Variants in SYN3 observed in about 807,000 individuals in gnomAD.
The protein encoded by SYN3 is synapsin-3.
Under a neutral mutation model 65.8 loss-of-function variants are expected in SYN3, and 35 were observed. That is an observed-to-expected ratio of 0.53 (90% CI 0.41 to 0.70). The LOEUF (loss-of-function observed/expected upper bound fraction) is 0.70, where lower values mean the gene tolerates loss of function less well. Among genes scored for constraint, SYN3 ranks in the 30% least tolerant of loss-of-function variants. SYN3 has a pLI of 0.00. For missense variants in SYN3, 680 were observed against 749.0 expected (o/e 0.91, Z 1.08); for synonymous variants, 270 against 292.9 (o/e 0.92, Z 0.80).
intron 7 of SYN3, among the ~76,000 whole-genome samples, chr22:32,568,221 T>C (rs1484809663): frequency 6.6e-6 from 1 of 152,172 alleles, no homozygotes; most frequent in Non-Finnish European, 1.5e-5. Flanking sequence ...AATGCTCTCC[T>C]TGCTCCTCTA....
chr22:32,541,059 A>C (rs1207877172), intron 8 of SYN3, among the ~76,000 whole-genome samples: 1 of 152,094 alleles, frequency 6.6e-6, no homozygotes, highest in Non-Finnish European at 1.5e-5. Flanking sequence ...CCCTTTAAAA[A>C]CCCATTAAGT....
chr22:32,764,642 T>C (rs1276305193), intron 6 of SYN3, among the ~76,000 whole-genome samples: 1 of 152,200 alleles, frequency 6.6e-6, no homozygotes, highest in Admixed American at 6.5e-5. Flanking sequence ...CTCCCGCTAA[T>C]ATCCCAAACT....
At chr22:32,870,690 ATATT>A (rs1284398548) in intron 4 of SYN3, among the ~76,000 whole-genome samples, 1 of 152,196 alleles carries the variant, frequency 6.6e-6, no homozygotes, top group Non-Finnish European at 1.5e-5. Context: ...TTTTTGAAAA[ATATT>A]TTTTTCAATT....
intron 1 of SYN3, among the ~76,000 whole-genome samples, chr22:33,022,168 AT>A (rs931879989): frequency 2.6e-5 from 4 of 152,114 alleles, no homozygotes; most frequent in African/African-American, 7.2e-5. Flanking sequence ...GGCTAAAACA[AT>A]TTTTTTCCTT....
intron 6 of SYN3, among the ~76,000 whole-genome samples, chr22:32,597,376 T>C (rs921031204): frequency 1.3e-5 from 2 of 151,908 alleles, no homozygotes; most frequent in Non-Finnish European, 2.9e-5. Context: ...CCACCATGCC[T>C]GGCTAATTTT....
chr22:32,776,309 G>A (rs2045906882), intron 6 of SYN3, among the ~76,000 whole-genome samples: 1 of 152,086 alleles, frequency 6.6e-6, no homozygotes, highest in Admixed American at 6.5e-5. Flanking sequence ...TAAGTCACTT[G>A]GTGAATGGTA....
intron 7 of SYN3, among the ~76,000 whole-genome samples, chr22:32,569,526 A>C (rs2058724090): frequency 7.3e-6 from 1 of 136,244 alleles, no homozygotes. Flanking sequence ...ATATCTATCT[A>C]AAATCAATCA....
chr22:32,953,849 A>G (rs970173057), intron 3 of SYN3, among the ~76,000 whole-genome samples: 1 of 152,178 alleles, frequency 6.6e-6, no homozygotes, highest in East Asian at 1.9e-4. Context: ...TTCTTCATCA[A>G]CATCATCACA....
rs532178491 is a variant in SYN3, at chr22:32,654,509, C to T, written c.712-57773G>A. 6.0e-4 allele frequency among the ~76,000 whole-genome samples: 92 copies of T among 152,296 alleles called. 1 individual carries two copies. Among genetic ancestry groups the T allele is most frequent in the Middle Eastern group, 6.8e-3 (2 of 294 alleles). ...TCCTGTCCCCTACATGCCACCCAGA[C>T]GGGACAGCTTGTCCCCTGCCTACGT... On this transcript the variant is annotated intron_variant, in intron 6 of 13. Transcript: ENST00000358763.
chr22:32,787,850 T>G, intron 6 of SYN3, among the ~76,000 whole-genome samples: 1 of 151,712 alleles, frequency 6.6e-6, no homozygotes, highest in Admixed American at 6.6e-5. Context: ...AGCTGCAGAA[T>G]TAGAAGGATC....
chr22:32,942,821 G>C (rs2050981820), intron 3 of SYN3, among the ~76,000 whole-genome samples: 1 of 152,154 alleles, frequency 6.6e-6, no homozygotes, highest in Non-Finnish European at 1.5e-5. Flanking sequence ...TAACCAATTT[G>C]ATCAACTGGA....
intron 6 of SYN3, among the ~76,000 whole-genome samples, chr22:32,824,306 C>T (rs575016660): frequency 4.6e-5 from 7 of 150,872 alleles, no homozygotes; most frequent in Non-Finnish European, 7.4e-5. Flanking sequence ...AGTGCCATCT[C>T]TCCATAACTC....
At chr22:32,788,979 C>T (rs368546777) in intron 6 of SYN3, among the ~76,000 whole-genome samples, 2 of 152,204 alleles carry the variant, frequency 1.3e-5, no homozygotes, top group Admixed American at 6.5e-5. Flanking sequence ...CCCCCCCACC[C>T]CCAACAAGCC....
intron 6 of SYN3, among the ~76,000 whole-genome samples, chr22:32,764,549 G>A (rs1027693223): frequency 6.6e-6 from 1 of 152,158 alleles, no homozygotes; most frequent in Non-Finnish European, 1.5e-5. Context: ...CAGCCTCGTG[G>A]CCTGGAAGAA....
chr22:32,710,493 C>T (rs979854320), intron 6 of SYN3, among the ~76,000 whole-genome samples: 4 of 151,670 alleles, frequency 2.6e-5, no homozygotes, highest in Admixed American at 6.6e-5. Context: ...AGTAGCCAGG[C>T]GTGGTGGCAC....
At position 32,883,828 on chromosome 22, in the gene SYN3, A is replaced by G. The variant is rs201766647; in HGVS notation, c.462-14703T>C. ...GGCGTAGCTAAGTTTGATGAGGGGA[A>G]TAAGTTGGCAAGTTTTGGTGTGTAC... On this transcript the variant is annotated intron_variant, in intron 4 of 13. Transcript: ENST00000358763. Among the ~76,000 whole-genome samples the G allele has an allele frequency of 5.9e-5, 9 of 152,330 alleles. No individual in the cohort carries two copies. In the East Asian group the frequency reaches 1.5e-3, roughly 26 times the overall value.
At chr22:32,840,494 G>A (rs1184704219) in intron 6 of SYN3, among the ~76,000 whole-genome samples, 1 of 152,060 alleles carries the variant, frequency 6.6e-6, no homozygotes, top group Non-Finnish European at 1.5e-5. Flanking sequence ...GCTGCTCGCC[G>A]CTCCCCACCC....
chr22:33,010,432 A>T (rs1300367648), intron 1 of SYN3, among the ~76,000 whole-genome samples: 1 of 152,004 alleles, frequency 6.6e-6, no homozygotes, highest in Non-Finnish European at 1.5e-5. Flanking sequence ...TTATGAAAGT[A>T]TTTTTCTCCC....
intron 6 of SYN3, chr22:32,863,000 G>A (rs1601572123): frequency 6.6e-6 from 1 of 152,638 alleles, no homozygotes; most frequent in African/African-American, 2.4e-5. Context: ...TTTATAGTGT[G>A]TCCTTTATTC....
Sources: allele counts gnomAD v4.1 joint callset (sites outside exome capture counted in the v4.1 genomes callset), GRCh38; gene constraint gnomAD v4.1.1; transcripts MANE v1.5; gene names NCBI Gene and HGNC (gene_info 2026-07-23, HGNC 2026-07-21).